MED15: variants seen among roughly 807,000 people sequenced by gnomAD.
MED15 encodes the protein mediator of RNA polymerase II transcription subunit 15.
MED15 carries 41 observed loss-of-function variants against 118.7 expected under a neutral mutation model. The observed-to-expected ratio is 0.35, with a 90% CI of 0.27 to 0.45. The LOEUF is 0.45. Ranked by LOEUF, MED15 falls within the 20% of genes least tolerant of loss-of-function variation. The pLI is 1.00. For missense variants in MED15, 740 were observed against 1,025.5 expected, an observed-to-expected ratio of 0.72 and a Z score of 3.80; for synonymous variants, 436 against 413.9, an observed-to-expected ratio of 1.05 and a Z score of -0.65.
chr22:20,521,386 C>A (rs1224226224), intron 1 of MED15, among the ~76,000 whole-genome samples: 4 of 147,678 alleles, frequency 2.7e-5, no homozygotes, highest in Non-Finnish European at 6.0e-5. Flanking sequence ...CATGAGCCAC[C>A]ATGCCCAGCC....
chr22:20,575,326 ACTT>A, intron 9 of MED15, 94 bp downstream of exon 9: 1 of 1,442,116 alleles, frequency 6.9e-7, no homozygotes, highest in Non-Finnish European at 9.2e-7. Context: ...ATCGCCGGTG[ACTT>A]CTTTTATGGT....
At chr22:20,546,935 C>T (rs1048207904) in intron 2 of MED15, among the ~76,000 whole-genome samples, 1 of 152,168 alleles carries the variant, frequency 6.6e-6, no homozygotes, top group Non-Finnish European at 1.5e-5. Flanking sequence ...TTGGGCCTTT[C>T]AGTGAACAGA....
rs1318394579 is a variant in MED15, at chr22:20,584,421, C to T, written c.1799C>T (p.Ala600Val). The change falls in exon 14 of 18, where the codon GCG (alanine) becomes GTG (valine). Residue 600 changes from alanine to valine, a missense_variant. Transcript: ENST00000263205. ...CTGGAGAAACTCAAGAATGACATGGCGGTGGTGAGTGGGATGCCAGACACC... is the reference window on the plus strand; with the variant it reads ...CTGGAGAAACTCAAGAATGACATGGTGGTGGTGAGTGGGATGCCAGACACC... ...IALEKLKNDMAVPTPPPPPVP... is the reference protein window; with the variant it reads ...IALEKLKNDMVVPTPPPPPVP... The T allele has an allele frequency of 3.7e-6, 6 of 1,613,660 alleles. No individual in the cohort carries two copies. The highest frequency in any genetic ancestry group is 5.1e-6 in the Non-Finnish European group (6 of 1,179,770).
chr22:20,566,899 A>G (rs1004318365), intron 7 of MED15, 82 bp downstream of exon 7: 4 of 1,561,666 alleles, frequency 2.6e-6, no homozygotes, highest in Non-Finnish European at 2.6e-6. Context: ...GGCTAGAGAT[A>G]GCATATCCTA....
At chr22:20,579,994 C>A (rs2056932200) in intron 9 of MED15, among the ~76,000 whole-genome samples, 1 of 152,152 alleles carries the variant, frequency 6.6e-6, no homozygotes, top group South Asian at 2.1e-4. Flanking sequence ...GGCTGCTTCT[C>A]ATCCCAGGTG....
intron 1 of MED15, among the ~76,000 whole-genome samples, chr22:20,509,809 G>A (rs982664923): frequency 6.6e-6 from 1 of 152,018 alleles, no homozygotes; most frequent in Non-Finnish European, 1.5e-5. Context: ...CCCACTTCAG[G>A]GTTCCTGCAA....
rs892974055 is a variant in MED15, at chr22:20,537,902, G to A, written c.156+698G>A. On this transcript the variant is annotated intron_variant, in intron 2 of 17. Coordinates refer to ENST00000263205, the MANE Select transcript of MED15 (RefSeq NM_001003891.3). ...AGAGTGGGCTCTGTACTATGGACACGTGTGACTGAAGTGGGATAGAGTGGG... is the reference window on the plus strand; with the variant it reads ...AGAGTGGGCTCTGTACTATGGACACATGTGACTGAAGTGGGATAGAGTGGG... Among the ~76,000 whole-genome samples the A allele has an allele frequency of 7.9e-5, 12 of 152,218 alleles. No homozygotes were observed. In the South Asian group the frequency reaches 1.4e-3, roughly 18 times the overall value.
At chr22:20,520,600 G>A (rs535886384) in intron 1 of MED15, among the ~76,000 whole-genome samples, 1 of 152,110 alleles carries the variant, frequency 6.6e-6, no homozygotes, top group Non-Finnish European at 1.5e-5. Context: ...TGAACGACAC[G>A]CATACTTCCA....
At chr22:20,524,238 T>C (rs2146383940) in intron 1 of MED15, 1 of 152,324 alleles carries the variant, frequency 6.6e-6, no homozygotes, top group Admixed American at 6.5e-5. Flanking sequence ...GAACAATCGG[T>C]ATCTCATCAT....
chr22:20,575,362 C>T lies in MED15; in HGVS notation c.1272+130C>T, dbSNP rs566970481. 1.5e-5 allele frequency: 18 copies of T among 1,184,420 alleles called. No individual in the cohort carries two copies. In the African/African-American group the frequency reaches 2.3e-4, roughly 15 times the overall value. The allele number at this position is 1,184,420 out of a possible 1,614,324, so 73.4% of individuals were successfully genotyped here. A position where few individuals can be genotyped will look rare whatever the true frequency, so the allele number is the denominator to read the frequency against. On this transcript the variant is annotated intron_variant, in intron 9 of 17. Transcript: ENST00000263205. ...GGTGGCTTTCAGAGTGCCAAACCCA[C>T]AGTCCCTTTTTTTTTTTTTTTAAAT...
intron 1 of MED15, among the ~76,000 whole-genome samples, chr22:20,536,768 G>T (rs891212150): frequency 5.9e-5 from 9 of 152,198 alleles, no homozygotes; most frequent in African/African-American, 2.2e-4. Flanking sequence ...ATAGAGGCCA[G>T]CTGGCCACCC....
chr22:20,581,093 T>C (rs1231108345), intron 9 of MED15, among the ~76,000 whole-genome samples: 1 of 152,160 alleles, frequency 6.6e-6, no homozygotes, highest in Non-Finnish European at 1.5e-5. Flanking sequence ...GGAAGTACCC[T>C]GTTGTGGTCA....
At chr22:20,530,658 C>T (rs754636741) in intron 1 of MED15, among the ~76,000 whole-genome samples, 4 of 151,972 alleles carry the variant, frequency 2.6e-5, no homozygotes, top group Non-Finnish European at 2.9e-5. Context: ...GGAACCAGGG[C>T]GGTTGTGGAA....
rs61109389 is a variant in MED15 at position 20,570,746 on chromosome 22, C to CTTTTTTTTTTTTTTTTTTTTTTT, written c.1152+2123_1152+2145dup. 3.1e-4 allele frequency among the ~76,000 whole-genome samples: 19 copies of CTTTTTTTTTTTTTTTTTTTTTTT among 62,102 alleles called. 1 individual carries two copies. The highest frequency in any genetic ancestry group is 1.0e-3 in the African/African-American group (14 of 13,692). The allele number at this position is 62,102 out of a possible 152,430, so 40.7% of individuals were successfully genotyped here. On this transcript the variant is annotated intron_variant, in intron 8 of 17. Transcript: ENST00000263205. ...TTTTCTTTTCTTTCTTTCTTTCTTTCTTTTTTTTTTTTTTTTTTTTTTTTT... is the reference window on the plus strand; with the variant it reads ...TTTTCTTTTCTTTCTTTCTTTCTTTCTTTTTTTTTTTTTTTTTTTTTTTTTTTTTTTTTTTTTTTTTTTTTTTT...
At chr22:20,523,344 A>C (rs1441489045) in intron 1 of MED15, among the ~76,000 whole-genome samples, 1 of 151,252 alleles carries the variant, frequency 6.6e-6, no homozygotes, top group Admixed American at 6.6e-5. Context: ...TAAGCATTTG[A>C]CTTCCTTTTT....
At chr22:20,580,826 C>T (rs1005512941) in intron 9 of MED15, among the ~76,000 whole-genome samples, 2 of 152,220 alleles carry the variant, frequency 1.3e-5, no homozygotes, top group African/African-American at 4.8e-5. Flanking sequence ...ACTTGTTCAA[C>T]TCAGCATTTA....
At chr22:20,576,368 C>A (rs1159239711) in intron 9 of MED15, among the ~76,000 whole-genome samples, 1 of 152,254 alleles carries the variant, frequency 6.6e-6, no homozygotes, top group African/African-American at 2.4e-5. Context: ...AGTGGCGTCT[C>A]TGCAGCTCTG....
chr22:20,551,639 G>C (rs1353747755), intron 3 of MED15, 152 bp downstream of exon 3: 2 of 739,330 alleles, frequency 2.7e-6, no homozygotes, highest in Non-Finnish European at 4.8e-6. Context: ...TCACTGCCTT[G>C]CATTTGACTC....
In MED15 at chr22:20,566,526, ACAGCAGCAGCAG is replaced by A; in HGVS notation, c.775_786del (p.Gln259_Gln262del). ...CACAGCTGCAGCTCCAACAACAGCA[ACAGCAGCAGCAG>A]CAGCAGCAGCAGCAGCAGCAGCAGG... On this transcript the variant is annotated inframe_deletion, in exon 7 of 18. Transcript: ENST00000263205. 2.0e-4 allele frequency: 316 copies of A among 1,601,782 alleles called. No individual in the cohort carries two copies. Among genetic ancestry groups the A allele is most frequent in the African/African-American group, 1.1e-3 (79 of 74,602 alleles).
Sources: allele counts gnomAD v4.1 joint callset (sites outside exome capture counted in the v4.1 genomes callset), GRCh38; gene constraint gnomAD v4.1.1; transcripts MANE v1.5; gene names NCBI Gene and HGNC (gene_info 2026-07-23, HGNC 2026-07-21).